Variants in FBN1 observed in about 807,000 individuals in gnomAD.
FBN1 encodes the protein fibrillin 1.
A neutral mutation model predicts 365.1 loss-of-function variants in FBN1; 29 were observed. The ratio of observed to expected loss-of-function variants is 0.08; its 90% CI spans 0.06 to 0.11. The LOEUF (loss-of-function observed/expected upper bound fraction) is 0.11. Among genes scored for constraint, FBN1 ranks in the 10% least tolerant of loss-of-function variants. The pLI is 1.00. For missense variants in FBN1, 2,476 were observed against 3,703.2 expected, an observed-to-expected ratio of 0.67 and a Z score of 8.60; for synonymous variants, 1,210 against 1,270.5, an observed-to-expected ratio of 0.95 and a Z score of 1.01.
intron 6 of FBN1, among the ~76,000 whole-genome samples, chr15:48,554,741 A>G (rs1195632594): frequency 1.3e-5 from 2 of 152,224 alleles, no homozygotes; most frequent in East Asian, 3.8e-4. Flanking sequence ...AAGGTAAGCT[A>G]CATACACACA....
At chr15:48,529,403 A>G (rs1318721725) in intron 8 of FBN1, 1 of 152,330 alleles carries the variant, frequency 6.6e-6, no homozygotes, top group Non-Finnish European at 1.5e-5. Flanking sequence ...CTGTTCTCCC[A>G]GAGCATTCTT....
chr15:48,621,993 G>T (rs567191181), intron 2 of FBN1, among the ~76,000 whole-genome samples: 16 of 145,750 alleles, frequency 1.1e-4, no homozygotes, highest in Non-Finnish European at 1.9e-4. Context: ...GCGAGACTCT[G>T]TCTCAAAAAA....
At chr15:48,636,826 C>A in intron 2 of FBN1, among the ~76,000 whole-genome samples, 1 of 152,210 alleles carries the variant, frequency 6.6e-6, no homozygotes, top group East Asian at 1.9e-4. Context: ...TGTGTCCTGT[C>A]TAAATTCCTG....
Position 48,420,709 on chromosome 15 carries a change from G to A in FBN1, c.7797C>T (p.His2599=), listed in dbSNP as rs1459178505. The A allele has an allele frequency of 1.9e-6, 3 of 1,614,032 alleles. No homozygotes were observed. The African/African-American group carries it at 4.0e-5, about 22-fold the overall frequency. The change falls in exon 63 of 66, where the codon CAC becomes CAT. Residue 2599 remains histidine (H), a synonymous_variant. Coordinates refer to ENST00000316623, the MANE Select transcript of FBN1 (RefSeq NM_000138.5). ...TGCCAACACACTGGTTCCACTGGTA[G>A]TGCTGGAGGTAGCCCTGGGGGCAGC... The part of the protein sequence containing the change: ...RCSCPQGYLQ[H]YQWNQCVDEN...
At position 48,472,636 on chromosome 15, in the gene FBN1, A is replaced by G. The variant is rs1428390270; in HGVS notation, c.4251T>C (p.Asn1417=). ...CTCCTGGTGCATTGAGGCACTGGCCATTGCCACAGAGATTCAGGTTCTCAG... is the reference window on the plus strand; with the variant it reads ...CTCCTGGTGCATTGAGGCACTGGCCGTTGCCACAGAGATTCAGGTTCTCAG... The part of the protein sequence containing the change: ...ECSENLNLCG[N]GQCLNAPGGY... Residue 1417 remains asparagine (N), a synonymous_variant, in exon 35 of 66, where the codon AAT becomes AAC. Transcript: ENST00000316623. 11 of 1,614,190 alleles carry G rather than the reference A, an allele frequency of 6.8e-6. No individual in the cohort carries two copies. The highest frequency in any genetic ancestry group is 2.2e-5 in the East Asian group (1 of 44,874).
chr15:48,644,538 T>C (rs1334348786), intron 2 of FBN1, 68 bp downstream of exon 2: 3 of 1,608,414 alleles, frequency 1.9e-6, no homozygotes, highest in Non-Finnish European at 2.5e-6. Context: ...GGGAGAGTCA[T>C]CCTGCCCGTT....
intron 45 of FBN1, among the ~76,000 whole-genome samples, chr15:48,450,608 T>C (rs895507537): frequency 4.6e-5 from 7 of 152,184 alleles, no homozygotes; most frequent in African/African-American, 1.7e-4. Flanking sequence ...CCTTGTCTTT[T>C]GTGGGGCAAG....
chr15:48,497,222 G>T, intron 19 of FBN1, 44 bp downstream of exon 19: 1 of 1,613,106 alleles, frequency 6.2e-7, no homozygotes. Context: ...AAGAAGGAAT[G>T]CATTATGCAG....
At chr15:48,526,073 T>C in intron 9 of FBN1, 57 bp downstream of exon 9, 1 of 1,605,480 alleles carries the variant, frequency 6.2e-7, no homozygotes, top group Non-Finnish European at 8.5e-7. Context: ...TTTAGAAAGT[T>C]GTTTGTTATG....
chr15:48,626,164 G>C (rs1042204111), intron 2 of FBN1, among the ~76,000 whole-genome samples: 1 of 151,808 alleles, frequency 6.6e-6, no homozygotes, highest in African/African-American at 2.4e-5. Context: ...AGGCTGAGTG[G>C]GAGGATCACT....
intron 8 of FBN1, among the ~76,000 whole-genome samples, chr15:48,533,825 T>G (rs1271981829): frequency 6.6e-6 from 1 of 152,218 alleles, no homozygotes; most frequent in East Asian, 1.9e-4. Context: ...TCAAAAATAT[T>G]TCATGTTTTT....
intron 6 of FBN1, among the ~76,000 whole-genome samples, chr15:48,595,200 T>C (rs1351727120): frequency 6.6e-6 from 1 of 152,192 alleles, no homozygotes; most frequent in African/African-American, 2.4e-5. Flanking sequence ...TTTAGATAAA[T>C]TATAAACACA....
In FBN1 at chr15:48,415,751, G is replaced by C; in HGVS notation, c.7836C>G (p.Leu2612=). ...AGGCTCCTCCGCAGATGTGAGCGCT[G>C]AGGCATTCGTTTTCATCTGCAGGCA... The part of the protein sequence containing the change: ...WNQCVDENEC[L]SAHICGGASC... Residue 2612 remains leucine (L), a synonymous_variant, in exon 64 of 66, where the codon CTC becomes CTG. Coordinates refer to ENST00000316623, the MANE Select transcript of FBN1 (RefSeq NM_000138.5). The C allele has an allele frequency of 6.2e-7, 1 of 1,614,132 alleles. No homozygotes were observed. The highest frequency in any genetic ancestry group is 8.5e-7 in the Non-Finnish European group (1 of 1,179,950).
chr15:48,575,223 C>T (rs377175256), intron 6 of FBN1, among the ~76,000 whole-genome samples: 4 of 152,164 alleles, frequency 2.6e-5, no homozygotes, highest in African/African-American at 9.7e-5. Flanking sequence ...TCTTGCAACT[C>T]GTATTAAATG....
chr15:48,505,188 T>G (rs759288380), intron 15 of FBN1, 41 bp from the exon 16 acceptor site: 2 of 1,612,288 alleles, frequency 1.2e-6, no homozygotes, highest in East Asian at 4.5e-5. Context: ...GAAGTGACAT[T>G]TATCTAAAAT....
chr15:48,585,893 T>C (rs1180526760), intron 6 of FBN1, among the ~76,000 whole-genome samples: 1 of 152,182 alleles, frequency 6.6e-6, no homozygotes, highest in African/African-American at 2.4e-5. Context: ...TATGTTTCAC[T>C]TAGTAAAGAA....
chr15:48,516,812 C>T (rs750384346), intron 10 of FBN1, among the ~76,000 whole-genome samples: 1 of 152,106 alleles, frequency 6.6e-6, no homozygotes, highest in African/African-American at 2.4e-5. Context: ...CTTACAATTA[C>T]AACATATGAA....
At chr15:48,564,677 C>A (rs1422877721) in intron 6 of FBN1, among the ~76,000 whole-genome samples, 1 of 152,106 alleles carries the variant, frequency 6.6e-6, no homozygotes. Context: ...TCTCACTATC[C>A]TTCATGATAA....
intron 42 of FBN1, among the ~76,000 whole-genome samples, chr15:48,462,068 C>T (rs1322583173): frequency 6.6e-6 from 1 of 152,070 alleles, no homozygotes; most frequent in African/African-American, 2.4e-5. Flanking sequence ...CTGGAGTAAA[C>T]AATGGATGGA....
Sources: gnomAD v4.1 joint callset for allele counts (sites outside exome capture counted in the v4.1 genomes callset) on GRCh38, gnomAD v4.1.1 for gene constraint, MANE v1.5 for transcripts, NCBI Gene and HGNC (gene_info 2026-07-23, HGNC 2026-07-21) for gene names.